The following BARD1 variants were observed in gnomAD, a reference collection of about 807,000 sequenced individuals.
BARD1 encodes BRCA1 associated RING domain 1, also known as BRCA1-associated RING domain protein 1.
BARD1 carries 73 observed loss-of-function variants against 77.0 expected under a neutral mutation model. The observed-to-expected ratio is 0.95, with a 90% confidence interval of 0.79 to 1.15. The LOEUF is 1.15. Among genes scored for constraint, BARD1 ranks in the 50% most tolerant of loss-of-function variants. The pLI is 0.00. For missense variants in BARD1, 993 were observed against 938.8 expected (o/e 1.06, Z -0.75); for synonymous variants, 384 against 338.0 (o/e 1.14, Z -1.49).
intron 2 of BARD1, among the ~76,000 whole-genome samples, chr2:214,792,815 G>A (rs1182886415): frequency 6.6e-6 from 1 of 152,094 alleles, no homozygotes; most frequent in East Asian, 1.9e-4. Context: ...CAAAACTACT[G>A]CAGACACTGG....
Position 214,780,648 on chromosome 2 carries a change from G to C in BARD1, c.1226C>G (p.Ser409Cys), listed in dbSNP as rs786202226. The C allele has an allele frequency of 4.3e-6, 7 of 1,613,990 alleles. No individual in the cohort carries two copies. Among genetic ancestry groups the C allele is most frequent in the Non-Finnish European group, 5.1e-6 (6 of 1,180,002 alleles). ...CAACAGCTTCATTGCTGAGGGACTA[G>C]ACATCACTCGCCTGTAACTTGAACT... is the stretch of plus-strand genomic sequence containing the variant. ...LSSSSYRRVM[S>C]SPSAMKLLPN... The change falls in exon 4 of 11, where the codon TCT (serine) becomes TGT (cysteine). Residue 409 changes from serine to cysteine, a missense_variant. By Grantham distance (112) the Ser-to-Cys change is moderately radical. Coordinates refer to ENST00000260947, the MANE Select transcript of BARD1 (RefSeq NM_000465.4).
chr2:214,739,536 T>C (rs749196701), intron 9 of BARD1, among the ~76,000 whole-genome samples: 16 of 151,988 alleles, frequency 1.1e-4, no homozygotes, highest in East Asian at 9.7e-4. Flanking sequence ...GACATCACAA[T>C]AGGCAGCCTA....
In BARD1 at chr2:214,792,283, G is replaced by C. The variant is rs1057521833; in HGVS notation, c.364+14C>G. 3 of 1,612,116 alleles carry C rather than the reference G, an allele frequency of 1.9e-6. No homozygotes were observed. The highest frequency in any genetic ancestry group is 1.3e-5 in the African/African-American group (1 of 74,698). Reference sequence around the variant, plus strand: ...CTGATGAATTTAACTAAGAGAGATAGGGATAGTTCTTACCTGACAGCTCAT... The same window carrying C: ...CTGATGAATTTAACTAAGAGAGATACGGATAGTTCTTACCTGACAGCTCAT... On this transcript the variant is annotated intron_variant, in intron 3 of 10. Transcript: ENST00000260947.
At chr2:214,799,560 G>A (rs374704640) in intron 1 of BARD1, among the ~76,000 whole-genome samples, 8 of 151,880 alleles carry the variant, frequency 5.3e-5, no homozygotes. Flanking sequence ...AGGAAAATTC[G>A]ATCTCCTTTA....
chr2:214,726,770 T>C lies in BARD1; in HGVS notation c.*1906A>G, dbSNP rs535142966. The C allele has an allele frequency of 6.6e-5, 15 of 227,784 alleles. No individual in the cohort carries two copies. Among genetic ancestry groups the C allele is most frequent in the African/African-American group, 3.3e-4 (15 of 45,192 alleles). 14.1% of individuals were successfully genotyped at this position (227,784 alleles called of 1,614,324 possible). On this transcript the variant is annotated 3_prime_UTR_variant, in exon 11 of 11. Coordinates refer to ENST00000260947, the MANE Select transcript of BARD1 (RefSeq NM_000465.4). Reference sequence around the variant, plus strand: ...TTTCAAGAGCTTAACACAAACTAACTGCTGTCAAATATTTAACAAAAGCAA... The same window carrying C: ...TTTCAAGAGCTTAACACAAACTAACCGCTGTCAAATATTTAACAAAAGCAA...
intron 3 of BARD1, among the ~76,000 whole-genome samples, chr2:214,786,252 A>C (rs139367826): frequency 8.6e-5 from 13 of 150,928 alleles, no homozygotes; most frequent in Admixed American, 7.9e-4. Context: ...CATTATTTTC[A>C]TTTTCTTACG....
intron 3 of BARD1, among the ~76,000 whole-genome samples, chr2:214,792,081 TG>T (rs1559436394): frequency 7.0e-6 from 1 of 143,764 alleles, no homozygotes. Context: ...GAGGCTGAGG[TG>T]GGGGGAATCC....
intron 3 of BARD1, among the ~76,000 whole-genome samples, chr2:214,782,274 T>C (rs939324901): frequency 6.6e-6 from 1 of 152,096 alleles, no homozygotes; most frequent in Non-Finnish European, 1.5e-5. Context: ...ACACATTATA[T>C]GTTTTCACTT....
chr2:214,739,802 G>C (rs944491433), intron 9 of BARD1, among the ~76,000 whole-genome samples: 17 of 151,858 alleles, frequency 1.1e-4, no homozygotes, highest in African/African-American at 3.6e-4. Context: ...ATTTATTTTT[G>C]ACATTTTAGT....
In BARD1 at chr2:214,809,449, G is replaced by C. The variant is rs751665426; in HGVS notation, c.121C>G (p.Leu41Val). The C allele has an allele frequency of 9.3e-6, 15 of 1,611,612 alleles. No homozygotes were observed. The highest frequency in any genetic ancestry group is 1.3e-5 in the African/African-American group (1 of 74,932). Residue 41 changes from leucine (L) to valine (V), a missense_variant, in exon 1 of 11, where the codon CTC becomes GTC. Coordinates refer to ENST00000260947, the MANE Select transcript of BARD1 (RefSeq NM_000465.4). The stretch of plus-strand genomic sequence containing the variant: ...CGCAGCAGCTTCTCCAGGCGGTCGA[G>C]CGCGGCGCGACTGTGGGCCCAGGCA... ...RGAWAHSRAA[L>V]DRLEKLLRCS...
At chr2:214,801,349 TGA>T (rs918421536) in intron 1 of BARD1, among the ~76,000 whole-genome samples, 1 of 152,160 alleles carries the variant, frequency 6.6e-6, no homozygotes, top group African/African-American at 2.4e-5. Flanking sequence ...TAGAACCTCT[TGA>T]AGGATACACA....
intron 7 of BARD1, among the ~76,000 whole-genome samples, chr2:214,751,302 C>T (rs945029447): frequency 2.0e-5 from 3 of 149,624 alleles, no homozygotes; most frequent in Admixed American, 6.7e-5. Flanking sequence ...GGACTACAGA[C>T]GCATACCGCC....
intron 6 of BARD1, among the ~76,000 whole-genome samples, chr2:214,764,132 T>C (rs140252047): frequency 1.6e-3 from 241 of 152,318 alleles, no homozygotes; most frequent in African/African-American, 5.6e-3. Context: ...GTAAAGGTAG[T>C]GGCAGAAGGA....
At chr2:214,776,110 A>G (rs888074268) in intron 4 of BARD1, among the ~76,000 whole-genome samples, 10 of 152,160 alleles carry the variant, frequency 6.6e-5, no homozygotes, top group African/African-American at 2.4e-4. Flanking sequence ...CTACATCACT[A>G]ATAAATCATG....
At chr2:214,809,391 C>G (rs1400005486) in intron 1 of BARD1, 21 bp downstream of exon 1, 8 of 1,612,154 alleles carry the variant, frequency 5.0e-6, no homozygotes, top group Non-Finnish European at 5.9e-6. Context: ...CGCAGCCACC[C>G]CCAAGAAGCT....
At chr2:214,730,628 T>C (rs1692315248) in intron 9 of BARD1, 120 bp from the exon 10 acceptor site, 1 of 779,548 alleles carries the variant, frequency 1.3e-6, no homozygotes, top group Non-Finnish European at 2.2e-6. Context: ...TTAAGTATTA[T>C]TCTAAAATGC....
At chr2:214,758,183 C>T (rs73989330) in intron 6 of BARD1, among the ~76,000 whole-genome samples, 3,193 of 152,228 alleles carry the variant, frequency 0.021, 99 homozygotes, top group African/African-American at 0.07. Context: ...ATAAGACTGC[C>T]TGAACTTACA....
At position 214,745,775 on chromosome 2, in the gene BARD1, C is replaced by CTGAGCA. The variant is rs763622701; in HGVS notation, c.1751_1756dup (p.Met584_Leu585dup). 1.9e-6 allele frequency: 3 copies of CTGAGCA among 1,614,068 alleles called. No individual in the cohort carries two copies. The highest frequency in any genetic ancestry group is 2.5e-6 in the Non-Finnish European group (3 of 1,179,982). On this transcript the variant is annotated inframe_insertion, in exon 8 of 11. Transcript: ENST00000260947. ...AGCCTTAAGAATTACTGCAAGCTCA[C>CTGAGCA]TGAGCATTTTCTGTTGTTCTGAAGA...
In BARD1 at chr2:214,769,220, C is replaced by G; in HGVS notation, c.1395+12G>C. On this transcript the variant is annotated intron_variant, in intron 5 of 10. Transcript: ENST00000260947. ...AACACAGAAAGAATGAGAATAAAAA[C>G]CAGACAACTACCAATGGTGTCCATC... The G allele has an allele frequency of 6.2e-7, 1 of 1,602,564 alleles. No individual in the cohort carries two copies. The highest frequency in any genetic ancestry group is 1.1e-5 in the South Asian group (1 of 90,806).
Sources: allele counts gnomAD v4.1 joint callset (sites outside exome capture counted in the v4.1 genomes callset), GRCh38; gene constraint gnomAD v4.1.1; transcripts MANE v1.5; gene names NCBI Gene and HGNC (gene_info 2026-07-23, HGNC 2026-07-21).